The following RNF157 variants were observed in gnomAD, a reference collection of about 807,000 sequenced individuals.
The protein encoded by RNF157 is E3 ubiquitin ligase RNF157.
RNF157 carries 55 observed loss-of-function variants against 88.3 expected under a neutral mutation model. That is an observed-to-expected ratio of 0.62 (90% CI 0.50 to 0.78). The LOEUF (loss-of-function observed/expected upper bound fraction) is 0.78, where lower values mean the gene tolerates loss of function less well. Among genes scored for constraint, RNF157 ranks in the 30% least tolerant of loss-of-function variants. RNF157 has a pLI of 0.00. For missense variants in RNF157, 788 were observed against 860.8 expected (o/e 0.92, Z 1.06); for synonymous variants, 334 against 341.2 (o/e 0.98, Z 0.23).
At chr17:76,145,899 C>A (rs976157583) in intron 18 of RNF157, among the ~76,000 whole-genome samples, 1 of 152,110 alleles carries the variant, frequency 6.6e-6, no homozygotes, top group Non-Finnish European at 1.5e-5. Flanking sequence ...CTCCAGTCCC[C>A]GTCACCTGCC....
chr17:76,201,868 T>C (rs1317244597), intron 2 of RNF157, among the ~76,000 whole-genome samples: 1 of 152,162 alleles, frequency 6.6e-6, no homozygotes, highest in Non-Finnish European at 1.5e-5. Flanking sequence ...AGATATTTTC[T>C]AATTTTGCAC....
intron 1 of RNF157, among the ~76,000 whole-genome samples, chr17:76,228,896 C>T (rs146145197): frequency 1.6e-3 from 240 of 152,110 alleles, no homozygotes; most frequent in African/African-American, 5.5e-3. Flanking sequence ...TGGACTCCAG[C>T]CTGGGCGACA....
At chr17:76,164,535 C>T in intron 8 of RNF157, 1 of 381,538 alleles carries the variant, frequency 2.6e-6, no homozygotes, top group African/African-American at 2.1e-5. Flanking sequence ...ATCAGCATTC[C>T]TTTCAGGCCA....
chr17:76,150,332 C>A (rs1435465022), intron 18 of RNF157, among the ~76,000 whole-genome samples: 1 of 152,008 alleles, frequency 6.6e-6, no homozygotes, highest in African/African-American at 2.4e-5. Flanking sequence ...CCACAAGTCA[C>A]CCTAGGGAAC....
chr17:76,233,269 A>G (rs1436499132), intron 1 of RNF157, among the ~76,000 whole-genome samples: 2 of 152,136 alleles, frequency 1.3e-5, no homozygotes, highest in African/African-American at 4.8e-5. Context: ...ATTGAGTTGT[A>G]AGAGTTCTTA....
Position 76,240,219 on chromosome 17 carries a change from G to A in RNF157, c.22C>T (p.Gln8Ter). 7.2e-7 allele frequency: 1 copy of A among 1,388,014 alleles called. No homozygotes were observed. The highest frequency in any genetic ancestry group is 9.5e-7 in the Non-Finnish European group (1 of 1,055,650). The allele number at this position is 1,388,014 out of a possible 1,614,324, so 86.0% of individuals were successfully genotyped here. A position where few individuals can be genotyped will look rare whatever the true frequency, so the allele number is the denominator to read the frequency against. Reference protein sequence around the residue: MGALTSRQHAGVEEVDIP... With the variant: MGALTSR ...TCCACCTCCTCCACGCCCGCGTGCT[G>A]CCGGCTCGTCAGGGCCCCCATGGCC... is the stretch of plus-strand genomic sequence containing the variant. The change falls in exon 1 of 19, where the codon CAG (glutamine) becomes TAG (stop). Residue 8 changes from glutamine (Q) to a stop codon, truncating the protein, a stop_gained. Transcript: ENST00000269391. LOFTEE classifies it high-confidence loss of function. The surrounding 1 kb of genome is among the most constrained non-coding windows in gnomAD (Gnocchi z 4.4).
In RNF157 at chr17:76,166,455, CCCTACCGTCT is replaced by C; in HGVS notation, c.624_628+5del. On this transcript the variant is annotated splice_donor_variant and splice_donor_5th_base_variant and coding_sequence_variant and intron_variant, in exon 6 of 19. Coordinates refer to ENST00000269391, the MANE Select transcript of RNF157 (RefSeq NM_052916.3). LOFTEE classifies it high-confidence loss of function. The stretch of plus-strand genomic sequence containing the variant: ...CACAGCCAAAGAGGACAGAAATCGC[CCCTACCGTCT>C]CCTTCATCCACCACGGCATGTACCA... 6.2e-7 allele frequency: 1 copy of C among 1,613,268 alleles called. No individual in the cohort carries two copies. The highest frequency in any genetic ancestry group is 8.5e-7 in the Non-Finnish European group (1 of 1,179,254).
intron 18 of RNF157, 110 bp downstream of exon 18, chr17:76,152,245 C>G: frequency 1.3e-6 from 1 of 759,390 alleles, no homozygotes; most frequent in Non-Finnish European, 2.3e-6. Context: ...CACCCCAGGC[C>G]TTCTTGGCAG....
chr17:76,157,387 C>T lies in RNF157; in HGVS notation c.1413+1006G>A, dbSNP rs916931995. ...TTTGGGGTGTGAAGCACTCACTGTG[C>T]CCCTGGCTTGCTCCGAGCCCCGACT... On this transcript the variant is annotated intron_variant, in intron 13 of 18. Coordinates refer to ENST00000269391, the MANE Select transcript of RNF157 (RefSeq NM_052916.3). The surrounding 1 kb of genome is among the most constrained non-coding windows in gnomAD (Gnocchi z 5.6). Among the ~76,000 whole-genome samples, 2 of 152,194 alleles carry T rather than the reference C, an allele frequency of 1.3e-5. No homozygotes were observed. Among genetic ancestry groups the T allele is most frequent in the African/African-American group, 2.4e-5 (1 of 41,448 alleles).
chr17:76,178,399 G>A (rs764846040), intron 2 of RNF157, among the ~76,000 whole-genome samples: 8 of 152,252 alleles, frequency 5.3e-5, no homozygotes, highest in Non-Finnish European at 1.2e-4. Flanking sequence ...GCCCCACAGC[G>A]GCAGCTGGCG....
chr17:76,182,893 A>G (rs527606159), intron 2 of RNF157, among the ~76,000 whole-genome samples: 2 of 148,582 alleles, frequency 1.3e-5, no homozygotes, highest in African/African-American at 2.5e-5. Flanking sequence ...TATGAAAACT[A>G]TATTATTACC....
intron 17 of RNF157, 54 bp from the exon 18 acceptor site, chr17:76,152,519 T>C: frequency 9.6e-7 from 1 of 1,041,578 alleles, no homozygotes; most frequent in South Asian, 1.3e-5. Flanking sequence ...TTCTCTGCGT[T>C]GCTGTCCTTA....
At chr17:76,213,512 G>A (rs558090869) in intron 1 of RNF157, among the ~76,000 whole-genome samples, 57 of 143,730 alleles carry the variant, frequency 4.0e-4, no homozygotes, top group African/African-American at 1.4e-3. Context: ...AGAGGTTGCA[G>A]TAAGCCAAGA....
intron 1 of RNF157, among the ~76,000 whole-genome samples, chr17:76,214,172 A>G (rs1052027329): frequency 6.6e-6 from 1 of 152,100 alleles, no homozygotes; most frequent in Non-Finnish European, 1.5e-5. Context: ...TGCACCCTCA[A>G]CCTGTGGGAT....
intron 2 of RNF157, among the ~76,000 whole-genome samples, chr17:76,193,782 C>T (rs1443569269): frequency 6.6e-6 from 1 of 152,224 alleles, no homozygotes; most frequent in African/African-American, 2.4e-5. Context: ...TGAGGCACAG[C>T]TCCTGGGCAG....
intron 2 of RNF157, among the ~76,000 whole-genome samples, chr17:76,182,240 C>T (rs1227021212): frequency 6.6e-6 from 1 of 152,184 alleles, no homozygotes; most frequent in Non-Finnish European, 1.5e-5. Flanking sequence ...TTTTGGTGGA[C>T]CTCAGGCGTT....
At chr17:76,151,732 G>A (rs2068680959) in intron 18 of RNF157, among the ~76,000 whole-genome samples, 1 of 152,116 alleles carries the variant, frequency 6.6e-6, no homozygotes, top group Admixed American at 6.5e-5. Flanking sequence ...AGGAATAAGG[G>A]GCACTCTGAC....
chr17:76,199,070 C>T (rs8067947), intron 2 of RNF157, among the ~76,000 whole-genome samples: 75,763 of 152,050 alleles, frequency 0.5, 20,307 homozygotes, highest in East Asian at 0.72. Context: ...GGGTATTCCA[C>T]AGAATGTAAA....
chr17:76,209,337 T>G (rs2069736644), intron 2 of RNF157, among the ~76,000 whole-genome samples: 1 of 152,196 alleles, frequency 6.6e-6, no homozygotes, highest in African/African-American at 2.4e-5. Flanking sequence ...TTAGGAAAAG[T>G]CTGCCAGCCA....
Sources: allele counts gnomAD v4.1 joint callset (sites outside exome capture counted in the v4.1 genomes callset), GRCh38; gene constraint gnomAD v4.1.1; non-coding constraint Gnocchi (gnomAD v3.1); transcripts MANE v1.5; gene names NCBI Gene and HGNC (gene_info 2026-07-23, HGNC 2026-07-21).